EXTL3: variants seen among roughly 807,000 people sequenced by gnomAD.
EXTL3 encodes exostosin like glycosyltransferase 3.
A neutral mutation model predicts 69.3 loss-of-function variants in EXTL3; 27 were observed. The ratio of observed to expected loss-of-function variants is 0.39; its 90% confidence interval spans 0.29 to 0.54. The LOEUF (loss-of-function observed/expected upper bound fraction) is 0.54, where lower values mean the gene tolerates loss of function less well. Ranked by LOEUF, EXTL3 falls within the 20% of genes least tolerant of loss-of-function variation. The probability of loss-of-function intolerance (pLI) is 0.69; values close to 1 mark genes in which losing one functional copy is unlikely to be tolerated. For missense variants in EXTL3, 1,003 were observed against 1,231.8 expected (o/e 0.81, Z 2.78); for synonymous variants, 511 against 499.4 (o/e 1.02, Z -0.31).
chr8:28,637,317 A>T (rs978580598), intron 1 of EXTL3: 4 of 152,194 alleles, frequency 2.6e-5, no homozygotes, highest in Non-Finnish European at 5.9e-5. Flanking sequence ...CAAACACCGC[A>T]TTCCCCTTAA....
intron 1 of EXTL3, among the ~76,000 whole-genome samples, chr8:28,704,857 A>G (rs564799790): frequency 6.6e-6 from 1 of 152,196 alleles, no homozygotes; most frequent in East Asian, 1.9e-4. Context: ...TTCAGTAGAG[A>G]CTGGGTTTCA....
Position 28,743,072 on chromosome 8 carries a change from T to A in EXTL3, c.2422-14T>A, listed in dbSNP as rs1801813349. 2 of 1,613,936 alleles carry A rather than the reference T, an allele frequency of 1.2e-6. No homozygotes were observed. The highest frequency in any genetic ancestry group is 1.7e-6 in the Non-Finnish European group (2 of 1,179,938). On this transcript the variant is annotated splice_polypyrimidine_tract_variant and intron_variant, in intron 5 of 6. Coordinates refer to ENST00000220562, the MANE Select transcript of EXTL3 (RefSeq NM_001440.4). ...TTGTAACAGAGCATGTGGTTCTTTT[T>A]CTTCCCCTGACAGTATTATGCCTAC...
intron 1 of EXTL3, among the ~76,000 whole-genome samples, chr8:28,690,155 ATTTAAC>A (rs201614176): frequency 1.3e-5 from 2 of 152,310 alleles, no homozygotes; most frequent in South Asian, 2.1e-4. Flanking sequence ...ATATTTATTT[ATTTAAC>A]TTTAATTTAA....
intron 1 of EXTL3, among the ~76,000 whole-genome samples, chr8:28,650,128 G>A (rs1396017048): frequency 2.0e-5 from 3 of 150,346 alleles, no homozygotes; most frequent in African/African-American, 7.3e-5. Context: ...CCCAGGAGGC[G>A]GAGGTTTCAG....
At chr8:28,695,513 C>A (rs1182304854) in intron 1 of EXTL3, among the ~76,000 whole-genome samples, 1 of 152,258 alleles carries the variant, frequency 6.6e-6, no homozygotes, top group Non-Finnish European at 1.5e-5. Flanking sequence ...GCTTCTCCAT[C>A]TCTGGTGGGT....
intron 1 of EXTL3, among the ~76,000 whole-genome samples, chr8:28,713,228 A>G (rs938140641): frequency 2.6e-5 from 4 of 152,216 alleles, no homozygotes; most frequent in South Asian, 4.1e-4. Flanking sequence ...TTTGCCTGCC[A>G]GAGTCCCCGT....
At position 28,716,524 on chromosome 8, in the gene EXTL3, G is replaced by A; in HGVS notation, c.465G>A (p.Leu155=). ...CCCAGAACCAGCCCAAGCTGTCCCTGCCCATCCGACTGCTCCCAGAGAAGG... is the reference window on the plus strand; with the variant it reads ...CCCAGAACCAGCCCAAGCTGTCCCTACCCATCCGACTGCTCCCAGAGAAGG... ...LMAQNQPKLS[L]PIRLLPEKDD... is the part of the protein sequence containing the mutation. The change falls in exon 3 of 7, where the codon CTG becomes CTA. Residue 155 remains leucine (L), a synonymous_variant. Transcript: ENST00000220562. This position sits in a 1 kb window ranked among gnomAD's most constrained non-coding sequence, Gnocchi z 7.1. 6.2e-7 allele frequency: 1 copy of A among 1,614,060 alleles called. No individual in the cohort carries two copies. Among genetic ancestry groups the A allele is most frequent in the Admixed American group, 1.7e-5 (1 of 60,026 alleles).
intron 1 of EXTL3, among the ~76,000 whole-genome samples, chr8:28,708,916 T>C (rs972724914): frequency 1.2e-4 from 18 of 152,232 alleles, no homozygotes; most frequent in African/African-American, 4.3e-4. Flanking sequence ...ATACTTTGAA[T>C]ATAGTGTTGG....
At chr8:28,693,088 C>G (rs1406628971) in intron 1 of EXTL3, among the ~76,000 whole-genome samples, 1 of 151,310 alleles carries the variant, frequency 6.6e-6, no homozygotes, top group African/African-American at 2.4e-5. Context: ...CCGCTGTTGG[C>G]GCTAGCTAAT....
intron 1 of EXTL3, among the ~76,000 whole-genome samples, chr8:28,667,537 G>A (rs1350966482): frequency 6.6e-6 from 1 of 152,194 alleles, no homozygotes; most frequent in African/African-American, 2.4e-5. Flanking sequence ...ATTTTGCATG[G>A]TTCCGATTGG....
At chr8:28,745,703 T>A (rs2130797592) in intron 6 of EXTL3, among the ~76,000 whole-genome samples, 1 of 152,350 alleles carries the variant, frequency 6.6e-6, no homozygotes, top group East Asian at 1.9e-4. Flanking sequence ...TACCTAATAA[T>A]AGCATCAGTT....
intron 2 of EXTL3, among the ~76,000 whole-genome samples, chr8:28,615,355 C>G (rs899381601): frequency 6.6e-6 from 1 of 152,090 alleles, no homozygotes; most frequent in Admixed American, 6.6e-5. Flanking sequence ...GTTGAAGTCT[C>G]CAATAATAAT....
At chr8:28,694,182 G>A (rs538600720) in intron 1 of EXTL3, among the ~76,000 whole-genome samples, 7 of 152,142 alleles carry the variant, frequency 4.6e-5, no homozygotes, top group Admixed American at 2.0e-4. Flanking sequence ...TATTAAACAC[G>A]TGGGGAAAAA....
At chr8:28,731,107 A>G in intron 3 of EXTL3, 116 bp from the exon 4 acceptor site, 2 of 1,321,072 alleles carry the variant, frequency 1.5e-6, no homozygotes, top group Non-Finnish European at 2.2e-6. Flanking sequence ...AAGCGCGGAG[A>G]TCAGGCAAAA....
At chr8:28,730,034 A>C (rs772509621) in intron 3 of EXTL3, 4 of 152,168 alleles carry the variant, frequency 2.6e-5, no homozygotes, top group Non-Finnish European at 5.9e-5. Flanking sequence ...AGGGCTCTGC[A>C]TTAAGAATAT....
chr8:28,717,489 A>G lies in EXTL3; in HGVS notation c.1430A>G (p.Gln477Arg), dbSNP rs1219868864. The G allele has an allele frequency of 1.4e-5, 23 of 1,614,244 alleles. No individual in the cohort carries two copies. The highest frequency in any genetic ancestry group is 1.9e-5 in the Non-Finnish European group (23 of 1,180,042). The change falls in exon 3 of 7, where the codon CAG becomes CGG. Residue 477 changes from glutamine to arginine, a missense_variant. Gln to Arg is a conservative substitution (Grantham distance 43, BLOSUM62 1). Around this residue, in one of 2 missense-constraint regions of EXTL3, gnomAD observed 742 missense variants for 815.4 expected, o/e 0.91. Transcript: ENST00000220562. The surrounding 1 kb of genome is among the most constrained non-coding windows in gnomAD (Gnocchi z 8.3). ...QVQLPYQDML[Q>R]WNEAALVVPK... is the part of the protein sequence containing the mutation. ...CAGCTTCCCTACCAGGACATGCTGC[A>G]GTGGAACGAGGCGGCCCTGGTGGTG...
intron 1 of EXTL3, among the ~76,000 whole-genome samples, chr8:28,660,497 C>CATAT (rs546456539): frequency 6.6e-6 from 1 of 151,756 alleles, no homozygotes; most frequent in African/African-American, 2.4e-5. Flanking sequence ...TACACACAGA[C>CATAT]ATATATATAT....
chr8:28,741,654 G>C (rs912015013), intron 5 of EXTL3: 1 of 151,762 alleles, frequency 6.6e-6, no homozygotes, highest in Non-Finnish European at 1.5e-5. Context: ...TCTTCTCCCT[G>C]TGTTGCCCAG....
chr8:28,678,758 A>G lies in EXTL3; in HGVS notation c.-52-34699A>G, dbSNP rs77097357. 7.6e-3 allele frequency among the ~76,000 whole-genome samples: 1,161 copies of G among 152,310 alleles called. 5 individuals are homozygous for G. Among genetic ancestry groups the G allele is most frequent in the Middle Eastern group, 0.014 (4 of 292 alleles). ...TACTGTGGAGAAGAGAAAGTTTCCT[A>G]GCTTCTTGATCAAAACAAGCATGGG... On this transcript the variant is annotated intron_variant, in intron 1 of 6. Coordinates refer to the EXTL3 transcript ENST00000523149.
Sources: allele counts gnomAD v4.1 joint callset (sites outside exome capture counted in the v4.1 genomes callset), GRCh38; gene constraint gnomAD v4.1.1; regional missense constraint gnomAD v4.1.1; non-coding constraint Gnocchi (gnomAD v3.1); transcripts MANE v1.5; gene names NCBI Gene and HGNC (gene_info 2026-07-23, HGNC 2026-07-21).